Variants in TEKTL1 observed in about 807,000 individuals in gnomAD.
TEKTL1 encodes tektin like 1, also known as tektin-like protein 1.
the TEKTL1 span, chr19:15,021,675 T>C: frequency 6.1e-5 from 99 of 1,613,984 alleles, no homozygotes; most frequent in Non-Finnish European, 7.5e-5. Context: ...GTACGAAATA[T>C]AACCAAGAGT....
chr19:15,021,300 G>T, the TEKTL1 span: 7 of 1,598,380 alleles, frequency 4.4e-6, no homozygotes, highest in Admixed American at 1.2e-4. Flanking sequence ...GAGGGACAGG[G>T]GCTCTGGGAA....
the TEKTL1 span, among the ~76,000 whole-genome samples, chr19:15,012,358 G>A: frequency 6.6e-6 from 1 of 152,046 alleles, no homozygotes; most frequent in Non-Finnish European, 1.5e-5. Flanking sequence ...GAGGCCAGGA[G>A]TTTGAGGCCA....
the TEKTL1 span, among the ~76,000 whole-genome samples, chr19:15,016,123 A>C: frequency 6.7e-6 from 1 of 149,826 alleles, no homozygotes; most frequent in Non-Finnish European, 1.5e-5. Flanking sequence ...GAGGGTGTGG[A>C]CGAGGTAGGA....
At chr19:15,021,430 G>A in the TEKTL1 span, 1 of 1,614,238 alleles carries the variant, frequency 6.2e-7, no homozygotes, top group Non-Finnish European at 8.5e-7. Flanking sequence ...GGCAAAGAAC[G>A]AGGTGGACGT....
At chr19:15,021,931 C>A in the TEKTL1 span, 75 of 1,600,640 alleles carry the variant, frequency 4.7e-5, no homozygotes, top group Non-Finnish European at 6.1e-5. Context: ...TAAACCCCCT[C>A]CCCCGTACCC....
At chr19:15,013,852 C>T in the TEKTL1 span, 1 of 836,674 alleles carries the variant, frequency 1.2e-6, no homozygotes, top group Non-Finnish European at 2.0e-6. Context: ...CCACTCTGAC[C>T]TGGGGACTGT....
the TEKTL1 span, chr19:15,023,046 A>C: frequency 6.2e-6 from 10 of 1,612,060 alleles, no homozygotes; most frequent in Admixed American, 1.0e-4. Flanking sequence ...TGCTACGAGC[A>C]GGCGCAGCGC....
At chr19:15,010,829 C>A in the TEKTL1 span, 1 of 1,535,064 alleles carries the variant, frequency 6.5e-7, no homozygotes, top group Admixed American at 2.0e-5. Flanking sequence ...AGGGACCATG[C>A]GCGTGTTGGT....
the TEKTL1 span, chr19:15,011,537 C>A: frequency 1.6e-6 from 1 of 642,038 alleles, no homozygotes; most frequent in Non-Finnish European, 2.3e-6. Context: ...AATTCGAGAC[C>A]AGCCTGACCA....
the TEKTL1 span, chr19:15,020,593 G>A: frequency 2.1e-5 from 34 of 1,613,944 alleles, no homozygotes; most frequent in Non-Finnish European, 2.5e-6. Flanking sequence ...CCTCTCCCGA[G>A]CCCCCACTCC....
At chr19:15,023,170 C>T in the TEKTL1 span, 21 of 1,502,344 alleles carry the variant, frequency 1.4e-5, no homozygotes, top group African/African-American at 2.9e-4. Flanking sequence ...TGGCTGGGAC[C>T]TCGGAGAGCA....
the TEKTL1 span, chr19:15,011,046 G>T: frequency 1.3e-6 from 2 of 1,577,852 alleles, no homozygotes; most frequent in African/African-American, 1.3e-5. Flanking sequence ...TGGCGCTTCC[G>T]CGTGGAGATG....
At chr19:15,020,100 G>T in the TEKTL1 span, among the ~76,000 whole-genome samples, 2 of 151,610 alleles carry the variant, frequency 1.3e-5, no homozygotes, top group Non-Finnish European at 2.9e-5. Context: ...TTGAAGCCAG[G>T]AGTTCAAGAC....
the TEKTL1 span, chr19:15,020,600 C>G: frequency 1.2e-6 from 2 of 1,614,138 alleles, no homozygotes; most frequent in South Asian, 1.1e-5. Flanking sequence ...CGAGCCCCCA[C>G]TCCACGCACA....
the TEKTL1 span, among the ~76,000 whole-genome samples, chr19:15,018,720 G>GA: frequency 1.2e-5 from 1 of 85,920 alleles, no homozygotes; most frequent in Non-Finnish European, 2.6e-5. Flanking sequence ...CTCAAAATAT[G>GA]TATATATATA....
At chr19:15,014,742 G>GGGGGGGGGGGGGGGA in the TEKTL1 span, among the ~76,000 whole-genome samples, 1 of 125,572 alleles carries the variant, frequency 8.0e-6, no homozygotes, top group African/African-American at 3.2e-5. Flanking sequence ...GGGGGGCGGG[G>GGGGGGGGGGGGGGGA]GCTGCTGAAA....
At chr19:15,018,715 A>T in the TEKTL1 span, among the ~76,000 whole-genome samples, 5,517 of 67,838 alleles carry the variant, frequency 0.081, 973 homozygotes, top group African/African-American at 0.18. Flanking sequence ...CCTATCTCAA[A>T]ATATGTATAT....
chr19:15,017,338 A>C, the TEKTL1 span, among the ~76,000 whole-genome samples: 1 of 152,068 alleles, frequency 6.6e-6, no homozygotes, highest in East Asian at 1.9e-4. Flanking sequence ...CATGATGGAA[A>C]TATTTTATAT....
the TEKTL1 span, among the ~76,000 whole-genome samples, chr19:15,012,720 CCT>C: frequency 4.6e-5 from 7 of 151,824 alleles, no homozygotes; most frequent in East Asian, 1.4e-3. Context: ...GGGTGCAGCC[CCT>C]GATTCAGACT....
Sources: allele counts gnomAD v4.1 joint callset (sites outside exome capture counted in the v4.1 genomes callset), GRCh38; gene constraint gnomAD v4.1.1; transcripts MANE v1.5; gene names NCBI Gene and HGNC (gene_info 2026-07-23, HGNC 2026-07-21).